RYR2: variants seen among roughly 807,000 people sequenced by gnomAD.
The protein encoded by RYR2 is cardiac muscle ryanodine receptor-calcium release channel.
A neutral mutation model predicts 601.1 loss-of-function variants in RYR2; 227 were observed. The ratio of observed to expected loss-of-function variants is 0.38; its 90% CI spans 0.34 to 0.42. RYR2 has a LOEUF of 0.42. Ranked by LOEUF, RYR2 falls within the 10% of genes least tolerant of loss-of-function variation. The pLI, the probability that RYR2 is intolerant of heterozygous loss-of-function variation, is 1.00. For synonymous variants in RYR2, 2,223 were observed against 2,175.1 expected, an observed-to-expected ratio of 1.02 and a Z score of -0.61; for missense variants, 4,646 against 6,156.5, an observed-to-expected ratio of 0.75 and a Z score of 8.21.
chr1:237,419,911 AT>A (rs542214499), intron 11 of RYR2, among the ~76,000 whole-genome samples: 185 of 152,172 alleles, frequency 1.2e-3, no homozygotes, highest in African/African-American at 3.8e-3. Flanking sequence ...ATAATTACTA[AT>A]TTTGCATTAT....
At chr1:237,482,278 A>G (rs1662198019) in intron 17 of RYR2, among the ~76,000 whole-genome samples, 2 of 152,058 alleles carry the variant, frequency 1.3e-5, no homozygotes, top group African/African-American at 2.4e-5. Context: ...CTGTTGTGCT[A>G]TCTAGTAGTA....
chr1:237,061,331 C>G (rs1558164473), intron 1 of RYR2, among the ~76,000 whole-genome samples: 1 of 149,838 alleles, frequency 6.7e-6, no homozygotes. Flanking sequence ...ATCTAATCAT[C>G]TCTCTAGACA....
At chr1:237,458,652 T>C (rs367924217) in intron 16 of RYR2, among the ~76,000 whole-genome samples, 2 of 152,014 alleles carry the variant, frequency 1.3e-5, no homozygotes, top group African/African-American at 4.8e-5. Flanking sequence ...TAGGAGATAC[T>C]CAATAAATGT....
intron 13 of RYR2, among the ~76,000 whole-genome samples, chr1:237,441,815 G>A (rs952688798): frequency 6.6e-6 from 1 of 151,942 alleles, no homozygotes; most frequent in Non-Finnish European, 1.5e-5. Context: ...TTGCTTACAG[G>A]AAGAGGCCCA....
At chr1:237,307,506 C>G (rs962915) in intron 2 of RYR2, among the ~76,000 whole-genome samples, 143,133 of 152,302 alleles carry the variant, frequency 0.94, 67,898 homozygotes, top group Middle Eastern at 1. Flanking sequence ...TTCTGTAATT[C>G]CTTTTGTAAT....
intron 17 of RYR2, among the ~76,000 whole-genome samples, chr1:237,473,146 G>A (rs967033048): frequency 2.0e-5 from 3 of 151,990 alleles, no homozygotes; most frequent in African/African-American, 2.4e-5. Context: ...TTTGGTGGGC[G>A]GGTGTGGTGG....
intron 48 of RYR2, among the ~76,000 whole-genome samples, chr1:237,645,004 C>T (rs1031811416): frequency 6.6e-5 from 10 of 152,166 alleles, no homozygotes; most frequent in African/African-American, 2.4e-4. Flanking sequence ...CACTTCATTC[C>T]AGCCTGAGTG....
intron 29 of RYR2, among the ~76,000 whole-genome samples, chr1:237,580,010 C>G (rs202002933): frequency 1.3e-5 from 1 of 75,694 alleles, no homozygotes; most frequent in East Asian, 1.2e-3. Flanking sequence ...AAACCATGCA[C>G]AGAGTCTTCT....
At chr1:237,782,171 G>T (rs377518899) in intron 89 of RYR2, among the ~76,000 whole-genome samples, 18 of 119,380 alleles carry the variant, frequency 1.5e-4, no homozygotes, top group Middle Eastern at 4.7e-3. Flanking sequence ...AGCTTATTTT[G>T]TTATTGCTTT....
At chr1:237,517,073 C>A (rs1420073914) in intron 24 of RYR2, among the ~76,000 whole-genome samples, 1 of 152,206 alleles carries the variant, frequency 6.6e-6, no homozygotes, top group Non-Finnish European at 1.5e-5. Flanking sequence ...CAATCTGACA[C>A]CCCTCCTGTT....
chr1:237,170,018 T>C (rs1677174507), intron 1 of RYR2, among the ~76,000 whole-genome samples: 1 of 152,150 alleles, frequency 6.6e-6, no homozygotes, highest in Admixed American at 6.5e-5. Context: ...GTGAACAAAG[T>C]AGATAAATGT....
At chr1:237,827,893 T>G (rs1191838597) in intron 101 of RYR2, among the ~76,000 whole-genome samples, 1 of 126,580 alleles carries the variant, frequency 7.9e-6, no homozygotes, top group African/African-American at 3.0e-5. Context: ...GCCGAGATTG[T>G]GCCACTGCAC....
chr1:237,516,316 G>A (rs1300069427), intron 24 of RYR2, among the ~76,000 whole-genome samples: 2 of 151,754 alleles, frequency 1.3e-5, no homozygotes, highest in South Asian at 2.1e-4. Context: ...ATGGGGTTTC[G>A]CCATCTTGGC....
rs896004657 is a variant in RYR2, at chr1:237,651,813, G to A, written c.7824+312G>A. On this transcript the variant is annotated intron_variant, in intron 51 of 104. Coordinates refer to ENST00000366574, the MANE Select transcript of RYR2 (RefSeq NM_001035.3). ...AGCACTTTGGGAGGCCAAGGTGGGCGGATCACGAGGTTAGGAGATCGAGAC... is the reference window on the plus strand; with the variant it reads ...AGCACTTTGGGAGGCCAAGGTGGGCAGATCACGAGGTTAGGAGATCGAGAC... Among the ~76,000 whole-genome samples the A allele has an allele frequency of 1.2e-4, 19 of 152,176 alleles. No homozygotes were observed. In the East Asian group the frequency reaches 2.9e-3, roughly 23 times the overall value.
At chr1:237,701,049 G>T (rs185507017) in intron 65 of RYR2, among the ~76,000 whole-genome samples, 1 of 152,128 alleles carries the variant, frequency 6.6e-6, no homozygotes, top group Non-Finnish European at 1.5e-5. Context: ...GAAAAAATAC[G>T]CATGAGCTGT....
chr1:237,282,977 A>G (rs1251251188), intron 2 of RYR2, among the ~76,000 whole-genome samples: 1 of 152,162 alleles, frequency 6.6e-6, no homozygotes, highest in African/African-American at 2.4e-5. Flanking sequence ...AGTGGATTGC[A>G]TTATTTCACC....
intron 2 of RYR2, among the ~76,000 whole-genome samples, chr1:237,311,065 T>C (rs1694508938): frequency 1.3e-5 from 2 of 152,194 alleles, no homozygotes; most frequent in Non-Finnish European, 2.9e-5. Context: ...TAGGCACTAA[T>C]TGAGTGTCAG....
At chr1:237,365,500 C>T (rs1053559929) in intron 5 of RYR2, among the ~76,000 whole-genome samples, 2 of 152,166 alleles carry the variant, frequency 1.3e-5, no homozygotes, top group South Asian at 2.1e-4. Flanking sequence ...TTTCAAATAA[C>T]TCTAGCTCTT....
chr1:237,565,943 C>T (rs1290170141), intron 27 of RYR2, among the ~76,000 whole-genome samples: 1 of 152,110 alleles, frequency 6.6e-6, no homozygotes, highest in Non-Finnish European at 1.5e-5. Context: ...ATTTTTCCCC[C>T]AGATCTTTTA....
Sources: gnomAD v4.1 joint callset for allele counts (sites outside exome capture counted in the v4.1 genomes callset) on GRCh38, gnomAD v4.1.1 for gene constraint, MANE v1.5 for transcripts, NCBI Gene and HGNC (gene_info 2026-07-23, HGNC 2026-07-21) for gene names.